The following PTBP3 variants were observed in gnomAD, a reference collection of about 807,000 sequenced individuals.
The protein encoded by PTBP3 is polypyrimidine tract binding protein 3.
PTBP3 carries 20 observed loss-of-function variants against 58.7 expected under a neutral mutation model. The ratio of observed to expected loss-of-function variants is 0.34; its 90% confidence interval spans 0.24 to 0.50. The LOEUF is 0.50. Among genes scored for constraint, PTBP3 ranks in the 20% least tolerant of loss-of-function variants. The probability of loss-of-function intolerance (pLI) is 0.98; values close to 1 mark genes in which losing one functional copy is unlikely to be tolerated. For synonymous variants in PTBP3, 185 were observed against 219.8 expected, an observed-to-expected ratio of 0.84 and a Z score of 1.40; for missense variants, 509 against 637.2, an observed-to-expected ratio of 0.80 and a Z score of 2.17.
chr9:112,234,093 AAACT>A, intron 8 of PTBP3, among the ~76,000 whole-genome samples: 1 of 33,386 alleles, frequency 3.0e-5, no homozygotes, highest in East Asian at 4.8e-4. Context: ...TAGGCTTACC[AAACT>A]CTGTCATTCC....
chr9:112,285,337 C>T (rs1308068561), intron 2 of PTBP3, among the ~76,000 whole-genome samples: 1 of 152,220 alleles, frequency 6.6e-6, no homozygotes, highest in Non-Finnish European at 1.5e-5. Flanking sequence ...GAGGCCTCCC[C>T]AGCCACATGA....
At chr9:112,344,429 G>A in the PTBP3 span, among the ~76,000 whole-genome samples, 1 of 152,046 alleles carries the variant, frequency 6.6e-6, no homozygotes, top group African/African-American at 2.4e-5. Flanking sequence ...GGCTTCTTTG[G>A]CTCTCTTTTG....
At chr9:112,375,173 C>T in the PTBP3 span, among the ~76,000 whole-genome samples, 1 of 152,184 alleles carries the variant, frequency 6.6e-6, no homozygotes, top group African/African-American at 2.4e-5. Context: ...TAAGGTCACC[C>T]GTTGGTTAGC....
rs781641456 is a variant in PTBP3, at chr9:112,332,748, C to G, written c.-52+722G>C. ...ATTAAATTTTTGAGCATTTGAAATG[C>G]CCCCGAAAATCGCTCGTACATCATA... On this transcript the variant is annotated intron_variant, in intron 1 of 13. Coordinates refer to ENST00000374257, the MANE Select transcript of PTBP3 (RefSeq NM_001163788.4). 7 of 1,608,478 alleles carry G rather than the reference C, an allele frequency of 4.4e-6. No individual in the cohort carries two copies. The South Asian group carries it at 6.6e-5, about 15-fold the overall frequency.
At chr9:112,269,001 G>C (rs1222091417) in intron 3 of PTBP3, among the ~76,000 whole-genome samples, 6 of 151,962 alleles carry the variant, frequency 3.9e-5, no homozygotes, top group African/African-American at 1.5e-4. Context: ...TTCAAGGCCA[G>C]CCTGGCCAAC....
chr9:112,290,705 T>TACACACACACACAC (rs1418787518), intron 2 of PTBP3, among the ~76,000 whole-genome samples: 128 of 72,976 alleles, frequency 1.8e-3, no homozygotes, highest in African/African-American at 4.6e-3. Context: ...TATATATATA[T>TACACACACACACAC]ATACACACAC....
Position 112,267,110 on chromosome 9 carries a change from G to A in PTBP3, c.351+939C>T, listed in dbSNP as rs559472091. ...GAGCTGGAGGAGTTCTTTGCCTAGA[G>A]CAAGAATACAGAGGCCAAACATGCC... On this transcript the variant is annotated intron_variant, in intron 4 of 13. Transcript: ENST00000374257. Among the ~76,000 whole-genome samples, 4 of 151,352 alleles carry A rather than the reference G, an allele frequency of 2.6e-5. No individual in the cohort carries two copies. In the Middle Eastern group the frequency reaches 0.01, roughly 391 times the overall value.
chr9:112,258,533 C>G (rs2132113165), intron 5 of PTBP3, among the ~76,000 whole-genome samples: 1 of 152,184 alleles, frequency 6.6e-6, no homozygotes, highest in East Asian at 1.9e-4. Flanking sequence ...TACCTCCAAC[C>G]CCTGCCCCAA....
chr9:112,261,126 C>A (rs892549223), intron 5 of PTBP3, among the ~76,000 whole-genome samples: 1 of 152,194 alleles, frequency 6.6e-6, no homozygotes, highest in Non-Finnish European at 1.5e-5. Context: ...CCGGGATAAA[C>A]AGAAGAGAAG....
upstream of PTBP3, chr9:112,333,647 T>G (rs1250676609): frequency 4.8e-6 from 3 of 626,818 alleles, no homozygotes; most frequent in Non-Finnish European, 7.6e-6. Context: ...CCGGGCACGC[T>G]CCCGCCACCG....
At chr9:112,236,838 C>T (rs1835457325) in intron 7 of PTBP3, among the ~76,000 whole-genome samples, 1 of 152,040 alleles carries the variant, frequency 6.6e-6, no homozygotes, top group African/African-American at 2.4e-5. Context: ...CCAAGAATGC[C>T]ATGTCTCAAA....
At chr9:112,277,938 TAACATAATATAACATAAC>T (rs1564427584) in intron 2 of PTBP3, among the ~76,000 whole-genome samples, 6,729 of 102,910 alleles carry the variant, frequency 0.065, 179 homozygotes, top group East Asian at 0.1. Flanking sequence ...TAACATAACA[TAACATAATATAACATAAC>T]ATAACATAAC....
At chr9:112,224,400 G>A (rs969117661) in intron 12 of PTBP3, among the ~76,000 whole-genome samples, 190 bp from the exon 13 acceptor site, 1 of 152,222 alleles carries the variant, frequency 6.6e-6, no homozygotes, top group African/African-American at 2.4e-5. Flanking sequence ...ATGGAATTTT[G>A]TCTCAATCCT....
chr9:112,295,601 T>TTAAA (rs546945138), intron 2 of PTBP3, among the ~76,000 whole-genome samples: 1 of 92,526 alleles, frequency 1.1e-5, no homozygotes, highest in African/African-American at 4.3e-5. Context: ...GTTCTGTTGG[T>TTAAA]AAAAAAAAAA....
Position 112,261,742 on chromosome 9 carries a change from T to C in PTBP3, c.516+693A>G, listed in dbSNP as rs935330088. On this transcript the variant is annotated intron_variant, in intron 5 of 13. Coordinates refer to ENST00000374257, the MANE Select transcript of PTBP3 (RefSeq NM_001163788.4). ...GGATATGTATATATGAAGTATTAGT[T>C]AAAAATGTAACAACCATTCAAAAAC... Among the ~76,000 whole-genome samples the C allele has an allele frequency of 4.6e-5, 7 of 152,316 alleles. No individual in the cohort carries two copies. The South Asian group carries it at 1.2e-3, about 27-fold the overall frequency.
At chr9:112,277,945 A>G (rs1827694199) in intron 2 of PTBP3, among the ~76,000 whole-genome samples, 1 of 82,192 alleles carries the variant, frequency 1.2e-5, no homozygotes, top group African/African-American at 5.2e-5. Context: ...ACATAACATA[A>G]TATAACATAA....
chr9:112,352,179 C>A, the PTBP3 span, among the ~76,000 whole-genome samples: 1 of 152,164 alleles, frequency 6.6e-6, no homozygotes, highest in Non-Finnish European at 1.5e-5. Flanking sequence ...ACCTGGACTT[C>A]CCAAAGTGCT....
intron 2 of PTBP3, among the ~76,000 whole-genome samples, chr9:112,287,587 C>G (rs368754693): frequency 1.3e-5 from 2 of 151,666 alleles, no homozygotes; most frequent in East Asian, 3.9e-4. Flanking sequence ...GTGATCCACC[C>G]GCCTCGGCCT....
chr9:112,267,396 T>C (rs1290025143), intron 4 of PTBP3, among the ~76,000 whole-genome samples: 1 of 152,146 alleles, frequency 6.6e-6, no homozygotes, highest in Non-Finnish European at 1.5e-5. Flanking sequence ...CTCGATCTCC[T>C]GACCTCACAA....
Sources: allele counts gnomAD v4.1 joint callset (sites outside exome capture counted in the v4.1 genomes callset), GRCh38; gene constraint gnomAD v4.1.1; transcripts MANE v1.5; gene names NCBI Gene and HGNC (gene_info 2026-07-23, HGNC 2026-07-21).